Variants in AP3D1 observed in about 807,000 individuals in gnomAD.
AP3D1 encodes adaptor related protein complex 3 subunit delta 1.
A neutral mutation model predicts 147.6 loss-of-function variants in AP3D1; 51 were observed. The ratio of observed to expected loss-of-function variants is 0.35; its 90% CI spans 0.28 to 0.44. The LOEUF (loss-of-function observed/expected upper bound fraction) is 0.44, where lower values mean the gene tolerates loss of function less well. AP3D1 is among the 20% of genes least tolerant of loss of function. AP3D1 has a pLI of 1.00. For missense variants in AP3D1, 1,421 were observed against 1,624.2 expected, an observed-to-expected ratio of 0.87 and a Z score of 2.15; for synonymous variants, 760 against 663.0, an observed-to-expected ratio of 1.15 and a Z score of -2.25.
Position 2,110,145 on chromosome 19 carries a change from G to A in AP3D1, c.3255C>T (p.Phe1085=). The change falls in exon 28 of 32, where the codon TTC becomes TTT. Residue 1085 remains phenylalanine, a synonymous_variant. Transcript: ENST00000643116. ...MAQKLKGTLS[F]IAKNDEGATH... ...GTGGAGCCCTGCATACCTTGGCAAT[G>A]AAGGACAGGGTCCCCTTGAGCTTCT... 1 of 1,612,958 alleles carries A rather than the reference G, an allele frequency of 6.2e-7. No individual in the cohort carries two copies. Among genetic ancestry groups the A allele is most frequent in the Non-Finnish European group, 8.5e-7 (1 of 1,179,840 alleles).
Position 2,121,055 on chromosome 19 carries a change from C to T in AP3D1, c.1288G>A (p.Gly430Ser), listed in dbSNP as rs1316418378. The T allele has an allele frequency of 6.2e-7, 1 of 1,613,252 alleles. No individual in the cohort carries two copies. The highest frequency in any genetic ancestry group is 8.5e-7 in the Non-Finnish European group (1 of 1,179,974). The change falls in exon 14 of 32, where the codon GGC becomes AGC. Residue 430 changes from glycine to serine, a missense_variant. Gly to Ser is a moderately conservative substitution (Grantham distance 56, BLOSUM62 0). Coordinates refer to ENST00000643116, the MANE Select transcript of AP3D1 (RefSeq NM_001261826.3). ...GCGATGAGGTGGCCGTGCCGTGTGC[C>T]CTCCAGCCGGGTCAGCTCCACCAGG... ...SILVELTRLE[G>S]TRHGHLIAAQ...
chr19:2,162,245 C>T (rs1021323703), intron 1 of AP3D1, among the ~76,000 whole-genome samples: 1 of 150,140 alleles, frequency 6.7e-6, no homozygotes, highest in Non-Finnish European at 1.5e-5. Context: ...ACCATGTTAG[C>T]CAGGATGGTC....
Position 2,118,502 on chromosome 19 carries a change from C to T in AP3D1, c.1713+99G>A, listed in dbSNP as rs2018519098. On this transcript the variant is annotated intron_variant, in intron 15 of 31. Coordinates refer to ENST00000643116, the MANE Select transcript of AP3D1 (RefSeq NM_001261826.3). ...ACAAAAGAATCTCAGTGAGTGGCTT[C>T]GGAAGAGGAAGCGAGGCCCCGTCGA... The T allele has an allele frequency of 7.7e-6, 9 of 1,166,136 alleles. No individual in the cohort carries two copies. The Admixed American group carries it at 1.2e-4, about 15-fold the overall frequency. 72.2% of individuals were successfully genotyped at this position (1,166,136 alleles called of 1,614,324 possible).
At chr19:2,137,495 T>G (rs2145136654) in intron 3 of AP3D1, among the ~76,000 whole-genome samples, 1 of 152,208 alleles carries the variant, frequency 6.6e-6, no homozygotes, top group Non-Finnish European at 1.5e-5. Context: ...TTTGTATTTT[T>G]AGTAGAGATG....
At chr19:2,154,254 A>C (rs1277460012), upstream of AP3D1, among the ~76,000 whole-genome samples, 3 of 149,200 alleles carry the variant, frequency 2.0e-5, no homozygotes, top group Non-Finnish European at 4.5e-5. Context: ...AGCCTCAGAA[A>C]TATTTATTTA....
At chr19:2,134,254 CA>C (rs1320715845) in intron 4 of AP3D1, among the ~76,000 whole-genome samples, 2 of 151,702 alleles carry the variant, frequency 1.3e-5, no homozygotes, top group African/African-American at 4.8e-5. Flanking sequence ...CCTGCCTCTA[CA>C]AAAAATACAA....
chr19:2,124,335 G>C (rs2018693036), intron 9 of AP3D1, among the ~76,000 whole-genome samples: 1 of 152,302 alleles, frequency 6.6e-6, no homozygotes, highest in Middle Eastern at 3.4e-3. Flanking sequence ...CTGAAAGAAG[G>C]CTCTAGAAGC....
In AP3D1 at chr19:2,151,242, G is replaced by A. The variant is rs770718458; in HGVS notation, c.93C>T (p.Asp31=). ...CCCCTTGGCGCGCCGGGCTCACCTC[G>A]TCCTCCTTGTGGTTACGGATGCCGC... is the stretch of plus-strand genomic sequence containing the variant. ...LVRGIRNHKE[D]EAKYISQCID... is the part of the protein sequence containing the mutation. Residue 31 remains aspartate, a synonymous_variant, in exon 1 of 32, where the codon GAC becomes GAT. Coordinates refer to ENST00000643116, the MANE Select transcript of AP3D1 (RefSeq NM_001261826.3). 2.5e-5 allele frequency: 41 copies of A among 1,610,374 alleles called. No individual in the cohort carries two copies. The Admixed American group carries it at 2.7e-4, about 11-fold the overall frequency.
intron 14 of AP3D1, among the ~76,000 whole-genome samples, 153 bp from the exon 15 acceptor site, chr19:2,118,985 T>C (rs1185353177): frequency 6.6e-6 from 1 of 151,968 alleles, no homozygotes; most frequent in African/African-American, 2.4e-5. Flanking sequence ...AGACACGAAG[T>C]AGAAGAAACC....
At position 2,115,320 on chromosome 19, in the gene AP3D1, CCTT is replaced by C. The variant is rs1278557609; in HGVS notation, c.2245_2247del (p.Lys749del). 6.8e-6 allele frequency: 11 copies of C among 1,611,490 alleles called. No homozygotes were observed. Among genetic ancestry groups the C allele is most frequent in the Non-Finnish European group, 9.3e-6 (11 of 1,179,910 alleles). On this transcript the variant is annotated inframe_deletion, in exon 20 of 32. Transcript: ENST00000643116. The stretch of plus-strand genomic sequence containing the variant: ...CTGTGGCGGCGCTTGCCCTTCTTCT[CCTT>C]CTCCTTCCTCTTTTTCCTCCTCTTG...
chr19:2,104,199 G>A (rs1170064522), intron 31 of AP3D1, among the ~76,000 whole-genome samples: 4 of 138,528 alleles, frequency 2.9e-5, no homozygotes, highest in South Asian at 2.4e-4. Context: ...CCGCAACACC[G>A]AGACACCAAC....
chr19:2,123,894 T>G lies in AP3D1; in HGVS notation c.857-15A>C. 6.4e-7 allele frequency: 1 copy of G among 1,568,884 alleles called. No homozygotes were observed. Among genetic ancestry groups the G allele is most frequent in the Non-Finnish European group, 8.6e-7 (1 of 1,156,980 alleles). On this transcript the variant is annotated splice_polypyrimidine_tract_variant and intron_variant, in intron 9 of 31. Transcript: ENST00000643116. ...CGAGATGAGCACTGCAACAGACAGCTTGGTCAGCACCACGGTCAGCACCAT... is the reference window on the plus strand; with the variant it reads ...CGAGATGAGCACTGCAACAGACAGCGTGGTCAGCACCACGGTCAGCACCAT...
Position 2,114,111 on chromosome 19 carries a change from G to A in AP3D1, c.2601+14C>T, listed in dbSNP as rs1242462328. On this transcript the variant is annotated intron_variant, in intron 22 of 31. Coordinates refer to ENST00000643116, the MANE Select transcript of AP3D1 (RefSeq NM_001261826.3). ...GGGAATGGAGAAGGCCGCCGCCCTG[G>A]GCACTAGCCTTACCTTCTTCTCCTT... 6.4e-7 allele frequency: 1 copy of A among 1,552,440 alleles called. No individual in the cohort carries two copies. Among genetic ancestry groups the A allele is most frequent in the Non-Finnish European group, 8.7e-7 (1 of 1,148,474 alleles).
intron 1 of AP3D1, among the ~76,000 whole-genome samples, chr19:2,148,071 C>T (rs553252640): frequency 6.1e-5 from 9 of 146,360 alleles, no homozygotes; most frequent in Admixed American, 3.5e-4. Context: ...GGCGTGAACC[C>T]GGGAGGCACA....
intron 22 of AP3D1, among the ~76,000 whole-genome samples, chr19:2,113,892 C>T (rs555263411): frequency 2.0e-5 from 3 of 152,206 alleles, no homozygotes; most frequent in African/African-American, 7.2e-5. Flanking sequence ...GGTGAGGACA[C>T]GGCTCACCCA....
intron 4 of AP3D1, among the ~76,000 whole-genome samples, chr19:2,133,207 C>T (rs1436969073): frequency 1.3e-5 from 2 of 152,148 alleles, no homozygotes; most frequent in Non-Finnish European, 2.9e-5. Flanking sequence ...TCCCTTTCCG[C>T]AACAACTGAG....
At chr19:2,134,124 AAC>A (rs1040281988) in intron 4 of AP3D1, among the ~76,000 whole-genome samples, 2 of 151,982 alleles carry the variant, frequency 1.3e-5, no homozygotes, top group African/African-American at 4.8e-5. Context: ...AAAATAAAAT[AAC>A]ACAGTGAGCT....
intron 18 of AP3D1, among the ~76,000 whole-genome samples, chr19:2,115,956 G>A (rs560037660): frequency 1.8e-4 from 28 of 152,386 alleles, no homozygotes; most frequent in African/African-American, 5.3e-4. Flanking sequence ...GGTTGCCCAC[G>A]ACCGTGGGGT....
chr19:2,147,444 G>A (rs1013798623), intron 1 of AP3D1, among the ~76,000 whole-genome samples: 3 of 136,086 alleles, frequency 2.2e-5, no homozygotes, highest in Admixed American at 7.6e-5. Context: ...GTTGGAGTCC[G>A]CTGGGGAGGC....
Sources: gnomAD v4.1 joint callset for allele counts (sites outside exome capture counted in the v4.1 genomes callset) on GRCh38, gnomAD v4.1.1 for gene constraint, MANE v1.5 for transcripts, NCBI Gene and HGNC (gene_info 2026-07-23, HGNC 2026-07-21) for gene names.